GLIS2: variants seen among roughly 807,000 people sequenced by gnomAD.
GLIS2 encodes zinc finger protein GLIS2.
Under a neutral mutation model 35.6 loss-of-function variants are expected in GLIS2, and 14 were observed. The observed-to-expected ratio is 0.39, with a 90% CI of 0.26 to 0.61. The LOEUF is 0.61. GLIS2 is among the 20% of genes least tolerant of loss of function. GLIS2 has a pLI of 0.48. For missense variants in GLIS2, 675 were observed against 713.4 expected (o/e 0.95, Z 0.61); for synonymous variants, 368 against 325.1 (o/e 1.13, Z -1.42).
At position 4,320,974 on chromosome 16, in the gene GLIS2, T is replaced by TA. The variant is rs2053373434; in HGVS notation, c.-67+4720_-67+4721insA. Among the ~76,000 whole-genome samples, 28 of 152,254 alleles carry TA rather than the reference T, an allele frequency of 1.8e-4. No individual in the cohort carries two copies. The South Asian group carries it at 5.8e-3, about 32-fold the overall frequency. ...CCTGGCAGATCCTGCCAGTGGGTGT[T>TA]CCCCTTTGGAAGGAAAAGGACCTCG... On this transcript the variant is annotated intron_variant, in intron 1 of 6. Coordinates refer to ENST00000433375, the MANE Select transcript of GLIS2 (RefSeq NM_032575.3). The surrounding 1 kb of genome is among the most constrained non-coding windows in gnomAD (Gnocchi z 5.6).
chr16:4,333,589 CA>C, intron 3 of GLIS2, 70 bp downstream of exon 3: 1 of 1,477,694 alleles, frequency 6.8e-7, no homozygotes. Flanking sequence ...CAAAGTACCC[CA>C]ACACTGAGTG....
At position 4,334,906 on chromosome 16, in the gene GLIS2, A is replaced by G; in HGVS notation, c.451A>G (p.Thr151Ala). The change falls in exon 4 of 7, where the codon ACC (threonine) becomes GCC (alanine). Residue 151 changes from threonine (T) to alanine (A), a missense_variant. Physicochemically the swap from Thr to Ala is moderately conservative, Grantham distance 58 (BLOSUM62 0). Around this residue, in one of 3 missense-constraint regions of GLIS2, gnomAD observed 225 missense variants for 238.7 expected, o/e 0.94. Coordinates refer to ENST00000433375, the MANE Select transcript of GLIS2 (RefSeq NM_032575.3). ...ALHLPASSFL[T>A]PPKDKCLSPD... ...GCACCTGCCTGCCTCCTCCTTCCTT[A>G]CCCCTCCCAAGGACAAGTGCCTCTC... The G allele has an allele frequency of 1.2e-6, 2 of 1,611,584 alleles. No homozygotes were observed. The highest frequency in any genetic ancestry group is 1.7e-6 in the Non-Finnish European group (2 of 1,179,700).
chr16:4,334,170 C>T (rs1203423653), intron 3 of GLIS2, among the ~76,000 whole-genome samples: 1 of 151,350 alleles, frequency 6.6e-6, no homozygotes. Flanking sequence ...AACTCCTGAC[C>T]TCAACTGATC....
At chr16:4,334,476 G>C (rs2053528702) in intron 3 of GLIS2, among the ~76,000 whole-genome samples, 1 of 151,954 alleles carries the variant, frequency 6.6e-6, no homozygotes, top group Admixed American at 6.6e-5. Context: ...GACGTCAAGT[G>C]ATCCGCCCAC....
At chr16:4,319,581 C>T (rs1354683453) in intron 1 of GLIS2, among the ~76,000 whole-genome samples, 1 of 152,216 alleles carries the variant, frequency 6.6e-6, no homozygotes, top group Non-Finnish European at 1.5e-5. Context: ...CGGGCCACAT[C>T]TGCCTCTCAG....
chr16:4,330,807 G>A (rs1337330710), intron 1 of GLIS2, among the ~76,000 whole-genome samples: 1 of 152,224 alleles, frequency 6.6e-6, no homozygotes, highest in African/African-American at 2.4e-5. Flanking sequence ...CCCAAAATCT[G>A]GCTGTAAACT....
intron 1 of GLIS2, among the ~76,000 whole-genome samples, chr16:4,321,254 C>A (rs1050865761): frequency 1.2e-4 from 18 of 152,118 alleles, no homozygotes; most frequent in African/African-American, 3.9e-4. Context: ...GCCACCACAC[C>A]CTTGTCCAGC....
chr16:4,331,362 C>T (rs760512791), intron 1 of GLIS2, among the ~76,000 whole-genome samples: 7 of 152,118 alleles, frequency 4.6e-5, no homozygotes, highest in Non-Finnish European at 1.0e-4. Context: ...CTAGCCAGAC[C>T]CATCCCTTTA....
Position 4,335,216 on chromosome 16 carries a change from A to G in GLIS2, c.656+23A>G, listed in dbSNP as rs754235272. 5.6e-6 allele frequency: 9 copies of G among 1,613,556 alleles called. No individual in the cohort carries two copies. In the South Asian group the frequency reaches 9.9e-5, roughly 18 times the overall value. ...CAGGTGAGGTGGGGGAGAGAGGGGT[A>G]GAGGGAGGACTGGGGTCTCCAGTGA... On this transcript the variant is annotated intron_variant, in intron 5 of 6. Transcript: ENST00000433375. The surrounding 1 kb of genome is among the most constrained non-coding windows in gnomAD (Gnocchi z 4.6).
chr16:4,337,757 CCTGT>C lies in GLIS2; in HGVS notation c.*239_*242del. 2 of 621,938 alleles carry C rather than the reference CCTGT, an allele frequency of 3.2e-6. No individual in the cohort carries two copies. The highest frequency in any genetic ancestry group is 5.7e-6 in the Non-Finnish European group (2 of 348,678). The allele number at this position is 621,938 out of a possible 1,614,324, so 38.5% of individuals were successfully genotyped here. ...TGCTCCTGGGTGCTGAAGCCTCGCT[CCTGT>C]CTGTCCCCCACCACCTGGCCCTCAG... On this transcript the variant is annotated 3_prime_UTR_variant, in exon 7 of 7. Transcript: ENST00000433375.
chr16:4,315,739 C>T (rs1174496941), upstream of GLIS2, among the ~76,000 whole-genome samples: 1 of 151,034 alleles, frequency 6.6e-6, no homozygotes, highest in Non-Finnish European at 1.5e-5. Context: ...CTCCCTCACC[C>T]CTCCCTCCCG....
In GLIS2 at chr16:4,335,014, G is replaced by A. The variant is rs375647908; in HGVS notation, c.522+37G>A. The stretch of plus-strand genomic sequence containing the variant: ...CCAGCAAGAGTAGTGTGGAGTCTGG[G>A]GCAGGTCACCCCGCATGGGCTCAGA... On this transcript the variant is annotated intron_variant, in intron 4 of 6. Coordinates refer to ENST00000433375, the MANE Select transcript of GLIS2 (RefSeq NM_032575.3). The surrounding 1 kb of genome is among the most constrained non-coding windows in gnomAD (Gnocchi z 4.6). 14 of 1,613,076 alleles carry A rather than the reference G, an allele frequency of 8.7e-6. No individual in the cohort carries two copies. The African/African-American group carries it at 1.9e-4, about 22-fold the overall frequency.
chr16:4,335,614 C>A lies in GLIS2; in HGVS notation c.775+221C>A, dbSNP rs912005184. Among the ~76,000 whole-genome samples, 8 of 152,214 alleles carry A rather than the reference C, an allele frequency of 5.3e-5. No individual in the cohort carries two copies. Among genetic ancestry groups the A allele is most frequent in the African/African-American group, 1.9e-4 (8 of 41,462 alleles). ...AGCACCTGCTCTTGGAGCACCAATG[C>A]CATTTCCTGGTTCCCGTGGGTATCT... On this transcript the variant is annotated intron_variant, in intron 6 of 6. Coordinates refer to ENST00000433375, the MANE Select transcript of GLIS2 (RefSeq NM_032575.3). This position sits in a 1 kb window ranked among gnomAD's most constrained non-coding sequence, Gnocchi z 4.6.
chr16:4,335,513 G>A lies in GLIS2; in HGVS notation c.775+120G>A, dbSNP rs2053541480. On this transcript the variant is annotated intron_variant, in intron 6 of 6. Coordinates refer to ENST00000433375, the MANE Select transcript of GLIS2 (RefSeq NM_032575.3). This position sits in a 1 kb window ranked among gnomAD's most constrained non-coding sequence, Gnocchi z 4.6. Reference sequence around the variant, plus strand: ...ATCCCGGGCCTCAGAGATAAGGGTTGATGTCATCGCCCAGGGGTCCCTTTT... The same window carrying A: ...ATCCCGGGCCTCAGAGATAAGGGTTAATGTCATCGCCCAGGGGTCCCTTTT... 9.7e-5 allele frequency: 86 copies of A among 887,454 alleles called. No individual in the cohort carries two copies. In the South Asian group the frequency reaches 1.2e-3, roughly 12 times the overall value. 55.0% of individuals were successfully genotyped at this position (887,454 alleles called of 1,614,324 possible). A position where few individuals can be genotyped will look rare whatever the true frequency, so the allele number is the denominator to read the frequency against.
chr16:4,337,456 G>A lies in GLIS2; in HGVS notation c.1507G>A (p.Ala503Thr). Reference sequence around the variant, plus strand: ...CAACTCAGCTGCCAGCAGCCCAGAGGCGTTGGCCCCTGGCTGGGTGGTCAT... The same window carrying A: ...CAACTCAGCTGCCAGCAGCCCAGAGACGTTGGCCCCTGGCTGGGTGGTCAT... The part of the protein sequence containing the change: ...GVNSAASSPE[A>T]LAPGWVVIPP... Residue 503 changes from alanine to threonine, a missense_variant, in exon 7 of 7, where the codon GCG becomes ACG. By Grantham distance (58) the Ala-to-Thr change is moderately conservative (BLOSUM62 0). Transcript: ENST00000433375. The A allele has an allele frequency of 6.3e-7, 1 of 1,578,104 alleles. No homozygotes were observed. The highest frequency in any genetic ancestry group is 8.6e-7 in the Non-Finnish European group (1 of 1,165,128).
chr16:4,329,138 G>C (rs1210335560), intron 1 of GLIS2: 3 of 152,166 alleles, frequency 2.0e-5, no homozygotes, highest in African/African-American at 7.2e-5. Flanking sequence ...CTTCGGGGAG[G>C]CTGGATTGCG....
At position 4,334,758 on chromosome 16, in the gene GLIS2, C is replaced by G. The variant is rs777894144; in HGVS notation, c.346-43C>G. On this transcript the variant is annotated intron_variant, in intron 3 of 6. Coordinates refer to ENST00000433375, the MANE Select transcript of GLIS2 (RefSeq NM_032575.3). ...TCCACTACCGATGGGACGGGGGGCTCTGGGCCAGCAGGACCTTGACTAGCC... is the reference window on the plus strand; with the variant it reads ...TCCACTACCGATGGGACGGGGGGCTGTGGGCCAGCAGGACCTTGACTAGCC... 1.1e-5 allele frequency: 18 copies of G among 1,610,906 alleles called. No individual in the cohort carries two copies. In the African/African-American group the frequency reaches 2.0e-4, roughly 18 times the overall value.
At chr16:4,336,563 G>C in intron 6 of GLIS2, 162 bp from the exon 7 acceptor site, 1 of 748,792 alleles carries the variant, frequency 1.3e-6, no homozygotes, top group Non-Finnish European at 2.3e-6. Flanking sequence ...CCCTGCCTGG[G>C]GGCAGATCTC....
Position 4,339,001 on chromosome 16 carries a change from G to GGAC in GLIS2, c.*1478_*1479insACG, listed in dbSNP as rs1231518982. On this transcript the variant is annotated 3_prime_UTR_variant, in exon 7 of 7. Coordinates refer to ENST00000433375, the MANE Select transcript of GLIS2 (RefSeq NM_032575.3). ...GAGGCAGCTGCCCGGACAGCCTTGGGGTCCTTAGTGGCCCTGCAGGTCCTC... is the reference window on the plus strand; with the variant it reads ...GAGGCAGCTGCCCGGACAGCCTTGGGGACGTCCTTAGTGGCCCTGCAGGTCCTC... The GGAC allele has an allele frequency of 6.6e-6, 1 of 152,408 alleles. No individual in the cohort carries two copies. The highest frequency in any genetic ancestry group is 2.4e-5 in the African/African-American group (1 of 41,458). 9.4% of individuals were successfully genotyped at this position (152,408 alleles called of 1,614,324 possible).
Sources: gnomAD v4.1 joint callset for allele counts (sites outside exome capture counted in the v4.1 genomes callset) on GRCh38, gnomAD v4.1.1 for gene constraint, gnomAD v4.1.1 regional missense constraint, Gnocchi (gnomAD v3.1) non-coding constraint, MANE v1.5 for transcripts, NCBI Gene and HGNC (gene_info 2026-07-23, HGNC 2026-07-21) for gene names.